NCAPH: variants seen among roughly 807,000 people sequenced by gnomAD.
The protein encoded by NCAPH is condensin complex subunit 2.
A neutral mutation model predicts 85.5 loss-of-function variants in NCAPH; 38 were observed. That is an observed-to-expected ratio of 0.44 (90% CI 0.34 to 0.58). NCAPH has a LOEUF of 0.58. Ranked by LOEUF, NCAPH falls within the 20% of genes least tolerant of loss-of-function variation. The pLI is 0.01. For missense variants in NCAPH, 789 were observed against 916.6 expected (o/e 0.86, Z 1.80); for synonymous variants, 301 against 335.1 (o/e 0.90, Z 1.11).
At chr2:96,350,073 G>A (rs769948416) in intron 6 of NCAPH, among the ~76,000 whole-genome samples, 1 of 152,258 alleles carries the variant, frequency 6.6e-6, no homozygotes, top group Non-Finnish European at 1.5e-5. Context: ...AGTTTGGCTA[G>A]CGCCAAGGAT....
At chr2:96,360,980 G>A (rs1408209305) in intron 12 of NCAPH, among the ~76,000 whole-genome samples, 1 of 147,206 alleles carries the variant, frequency 6.8e-6, no homozygotes, top group Non-Finnish European at 1.5e-5. Context: ...GGCAGTGAGT[G>A]TAGTTTTTTG....
Position 96,363,559 on chromosome 2 carries a change from G to A in NCAPH, c.1588-922G>A, listed in dbSNP as rs181252367. Among the ~76,000 whole-genome samples, 364 of 152,294 alleles carry A rather than the reference G, an allele frequency of 2.4e-3. 1 individual carries two copies. The highest frequency in any genetic ancestry group is 3.7e-3 in the Non-Finnish European group (252 of 68,030). ...TATTCAGTGTGCTCTTGTAAACTGTGCACATCTCCAGTCACATTTCTCCTA... is the reference window on the plus strand; with the variant it reads ...TATTCAGTGTGCTCTTGTAAACTGTACACATCTCCAGTCACATTTCTCCTA... On this transcript the variant is annotated intron_variant, in intron 12 of 17. Coordinates refer to ENST00000240423, the MANE Select transcript of NCAPH (RefSeq NM_015341.5).
At chr2:96,351,698 A>G in intron 6 of NCAPH, 133 bp from the exon 7 acceptor site, 1 of 619,966 alleles carries the variant, frequency 1.6e-6, no homozygotes, top group Non-Finnish European at 2.5e-6. Context: ...AAAACAAACC[A>G]CTTTTGACCA....
rs562489160 is a variant in NCAPH at position 96,344,321 on chromosome 2, G to T, written c.720+92G>T. ...GGCTAAGGCTGCCTTGCTGGTATGT[G>T]CCTGTTTAAGCCTCAAGGGAGTAAA... On this transcript the variant is annotated intron_variant, in intron 6 of 17. Coordinates refer to ENST00000240423, the MANE Select transcript of NCAPH (RefSeq NM_015341.5). 4 of 1,416,316 alleles carry T rather than the reference G, an allele frequency of 2.8e-6. No individual in the cohort carries two copies. In the South Asian group the frequency reaches 4.6e-5, roughly 16 times the overall value. 87.7% of individuals were successfully genotyped at this position (1,416,316 alleles called of 1,614,324 possible).
intron 13 of NCAPH, 131 bp from the exon 14 acceptor site, chr2:96,365,745 A>G: frequency 1.1e-6 from 1 of 889,234 alleles, no homozygotes; most frequent in African/African-American, 1.7e-5. Flanking sequence ...CTAGAAGTTC[A>G]TCGTAGTGTA....
At chr2:96,365,659 G>A (rs995464037) in intron 13 of NCAPH, among the ~76,000 whole-genome samples, 3 of 152,224 alleles carry the variant, frequency 2.0e-5, no homozygotes, top group Admixed American at 1.3e-4. Flanking sequence ...TTTAACTCCC[G>A]CTCAAAAGGT....
chr2:96,341,849 A>G lies in NCAPH; in HGVS notation c.227A>G (p.Gln76Arg). 2 of 1,613,186 alleles carry G rather than the reference A, an allele frequency of 1.2e-6. No homozygotes were observed. The highest frequency in any genetic ancestry group is 1.7e-5 in the Admixed American group (1 of 60,018). ...QRRRSRVFDL[Q>R]FSTDSPRLLA... ...AGGCGCTCGAGGGTCTTTGATCTGC[A>G]GTTCAGCACTGACTCACCTCGCTTA... Residue 76 changes from glutamine (Q) to arginine (R), a missense_variant, in exon 2 of 18, where the codon CAG (glutamine) becomes CGG (arginine). By Grantham distance (43) the Gln-to-Arg change is conservative. Coordinates refer to ENST00000240423, the MANE Select transcript of NCAPH (RefSeq NM_015341.5).
intron 6 of NCAPH, among the ~76,000 whole-genome samples, chr2:96,345,355 C>G (rs1033461047): frequency 1.3e-5 from 2 of 152,146 alleles, no homozygotes; most frequent in Admixed American, 1.3e-4. Flanking sequence ...TGCCCAGGAC[C>G]CAGACCCTGG....
intron 10 of NCAPH, 105 bp from the exon 11 acceptor site, chr2:96,360,038 T>C (rs192431872): frequency 2.9e-6 from 2 of 698,230 alleles, no homozygotes; most frequent in East Asian, 5.2e-5. Flanking sequence ...CAATGCTGCC[T>C]TGTGGTTTTG....
chr2:96,337,307 T>G (rs1427066964), intron 1 of NCAPH, among the ~76,000 whole-genome samples: 1 of 152,268 alleles, frequency 6.6e-6, no homozygotes, highest in African/African-American at 2.4e-5. Flanking sequence ...GGTTCCTTCC[T>G]TAGCCTGTAG....
rs1360092635 is a variant in NCAPH at position 96,360,651 on chromosome 2, A to G, written c.1528A>G (p.Thr510Ala). The G allele has an allele frequency of 6.2e-7, 1 of 1,614,094 alleles. No individual in the cohort carries two copies. Among genetic ancestry groups the G allele is most frequent in the Non-Finnish European group, 8.5e-7 (1 of 1,179,986 alleles). The change falls in exon 12 of 18, where the codon ACA (threonine) becomes GCA (alanine). Residue 510 changes from threonine (T) to alanine (A), a missense_variant. Coordinates refer to ENST00000240423, the MANE Select transcript of NCAPH (RefSeq NM_015341.5). The part of the protein sequence containing the change: ...NQNWRATTLP[T>A]DFNYNVDTLV... ...GAATTGGAGAGCTACCACCCTTCCT[A>G]CAGATTTCAACTACAATGTTGACAC... is the stretch of plus-strand genomic sequence containing the variant.
chr2:96,354,521 A>C, intron 9 of NCAPH, 133 bp downstream of exon 9: 6 of 747,190 alleles, frequency 8.0e-6, no homozygotes, highest in Non-Finnish European at 1.2e-5. Context: ...CGGGCATCTC[A>C]CTGCATTGCC....
chr2:96,349,095 A>G (rs1176941117), intron 6 of NCAPH, among the ~76,000 whole-genome samples: 2 of 152,190 alleles, frequency 1.3e-5, no homozygotes, highest in African/African-American at 2.4e-5. Flanking sequence ...AAAACGGACT[A>G]TTTCCCAGGC....
At chr2:96,359,666 C>G (rs1330754163) in intron 10 of NCAPH, among the ~76,000 whole-genome samples, 1 of 152,234 alleles carries the variant, frequency 6.6e-6, no homozygotes, top group African/African-American at 2.4e-5. Flanking sequence ...CACACTGTCA[C>G]CCAGGCTGAA....
At chr2:96,358,962 A>G in intron 9 of NCAPH, 83 bp from the exon 10 acceptor site, 1 of 1,354,398 alleles carries the variant, frequency 7.4e-7, no homozygotes. Context: ...ACAGAAATGC[A>G]GCTCATTTGC....
rs1018052732 is a variant in NCAPH, at chr2:96,364,584, G to A, written c.1691G>A (p.Gly564Glu). The A allele has an allele frequency of 6.2e-7, 1 of 1,606,338 alleles. No homozygotes were observed. The highest frequency in any genetic ancestry group is 8.5e-7 in the Non-Finnish European group (1 of 1,173,002). Residue 564 changes from glycine to glutamate, a missense_variant, in exon 13 of 18, where the codon GGA (glycine) becomes GAA (glutamate). By Grantham distance (98) the Gly-to-Glu change is moderately conservative. Transcript: ENST00000240423. ...NPNDTSNFCPGLQAADSDDED... is the reference protein window; with the variant it reads ...NPNDTSNFCPELQAADSDDED... ...AACGACACCTCCAACTTTTGCCCTG[G>A]ATTACAGGTAAAGGGGGGAAAGGGG...
In NCAPH at chr2:96,375,981, T is replaced by C. The variant is rs1250679817; in HGVS notation, c.*2630T>C. On this transcript the variant is annotated 3_prime_UTR_variant, in exon 18 of 18. Coordinates refer to ENST00000240423, the MANE Select transcript of NCAPH (RefSeq NM_015341.5). ...ACCAGATATGGACTCAACCTGGGAC[T>C]TTTCAGCCTCCATAACTGTAATAAA... Among the ~76,000 whole-genome samples, 1 of 152,200 alleles carries C rather than the reference T, an allele frequency of 6.6e-6. No homozygotes were observed. The highest frequency in any genetic ancestry group is 1.5e-5 in the Non-Finnish European group (1 of 68,028).
chr2:96,366,680 C>T (rs2064703949), intron 14 of NCAPH, among the ~76,000 whole-genome samples: 1 of 152,004 alleles, frequency 6.6e-6, no homozygotes, highest in African/African-American at 2.4e-5. Context: ...AGTTCGAGAC[C>T]AGCCCGGCCA....
chr2:96,343,185 A>C lies in NCAPH; in HGVS notation c.476A>C (p.Asp159Ala). 6.2e-7 allele frequency: 1 copy of C among 1,614,066 alleles called. No individual in the cohort carries two copies. Among genetic ancestry groups the C allele is most frequent in the Non-Finnish European group, 8.5e-7 (1 of 1,180,002 alleles). Reference sequence around the variant, plus strand: ...GACTAGGTGGCTGCGGGTACTCTGGATGCCAGCACCAAGATCTATGCTGTG... The same window carrying C: ...GACTAGGTGGCTGCGGGTACTCTGGCTGCCAGCACCAAGATCTATGCTGTG... Reference protein sequence around the residue: ...TNFKVAAGTLDASTKIYAVRV... With the variant: ...TNFKVAAGTLAASTKIYAVRV... Residue 159 changes from aspartate to alanine, a missense_variant, in exon 5 of 18, where the codon GAT (aspartate) becomes GCT (alanine). Physicochemically the swap from Asp to Ala is moderately radical, Grantham distance 126. Coordinates refer to ENST00000240423, the MANE Select transcript of NCAPH (RefSeq NM_015341.5).
Sources: gnomAD v4.1 joint callset for allele counts (sites outside exome capture counted in the v4.1 genomes callset) on GRCh38, gnomAD v4.1.1 for gene constraint, MANE v1.5 for transcripts, NCBI Gene and HGNC (gene_info 2026-07-23, HGNC 2026-07-21) for gene names.